The following CTNND2 variants were observed in gnomAD, a reference collection of about 807,000 sequenced individuals.
The protein encoded by CTNND2 is catenin delta-2.
CTNND2 carries 22 observed loss-of-function variants against 144.4 expected under a neutral mutation model. That is an observed-to-expected ratio of 0.15 (90% confidence interval 0.11 to 0.22). The LOEUF is 0.22. Among genes scored for constraint, CTNND2 ranks in the 10% least tolerant of loss-of-function variants. CTNND2 has a pLI of 1.00. For synonymous variants in CTNND2, 751 were observed against 695.6 expected (o/e 1.08, Z -1.25); for missense variants, 1,353 against 1,618.8 (o/e 0.84, Z 2.82).
intron 1 of CTNND2, among the ~76,000 whole-genome samples, chr5:11,884,945 TG>T (rs200124076): frequency 0.022 from 3,391 of 152,318 alleles, 62 homozygotes; most frequent in Non-Finnish European, 0.036. Context: ...ATTCCGTTGA[TG>T]TGATGTACCA....
chr5:11,182,403 G>A (rs935522547), intron 11 of CTNND2, among the ~76,000 whole-genome samples: 3 of 152,012 alleles, frequency 2.0e-5, no homozygotes, highest in Non-Finnish European at 4.4e-5. Context: ...ATATGTCTGT[G>A]TGTGCAAGTA....
chr5:11,272,338 T>C (rs933244974), intron 9 of CTNND2, among the ~76,000 whole-genome samples: 2 of 152,242 alleles, frequency 1.3e-5, no homozygotes, highest in African/African-American at 4.8e-5. Context: ...CTAGAGGCAT[T>C]TGACAACATT....
intron 3 of CTNND2, among the ~76,000 whole-genome samples, chr5:11,563,034 G>C (rs1776801673): frequency 6.6e-6 from 1 of 152,136 alleles, no homozygotes; most frequent in Admixed American, 6.5e-5. Context: ...ACCCACTATT[G>C]TATGTCACAG....
At chr5:11,228,928 A>T (rs894933096) in intron 10 of CTNND2, among the ~76,000 whole-genome samples, 4 of 152,220 alleles carry the variant, frequency 2.6e-5, no homozygotes. Flanking sequence ...AGTTAGGATG[A>T]TAAGGTAATT....
rs544756731 is a variant in CTNND2, at chr5:11,530,873, G to C, written c.287+34071C>G. Reference sequence around the variant, plus strand: ...AACTCTTGACTGGGGTTTTTTAACTGCTGATTATCCAAGCCTACAGTAAAA... The same window carrying C: ...AACTCTTGACTGGGGTTTTTTAACTCCTGATTATCCAAGCCTACAGTAAAA... On this transcript the variant is annotated intron_variant, in intron 3 of 21. Transcript: ENST00000304623. Among the ~76,000 whole-genome samples, 182 of 152,246 alleles carry C rather than the reference G, an allele frequency of 1.2e-3. 1 individual carries two copies. The highest frequency in any genetic ancestry group is 3.4e-3 in the Middle Eastern group (1 of 294).
intron 10 of CTNND2, among the ~76,000 whole-genome samples, chr5:11,218,886 C>A (rs1440624449): frequency 1.3e-5 from 2 of 152,116 alleles, no homozygotes; most frequent in African/African-American, 4.8e-5. Context: ...GGCAGAGAGG[C>A]ACTCAGTCAA....
chr5:11,496,396 G>T (rs1206821948), intron 3 of CTNND2, among the ~76,000 whole-genome samples: 1 of 152,160 alleles, frequency 6.6e-6, no homozygotes, highest in African/African-American at 2.4e-5. Context: ...AGATCATTTA[G>T]GTCATCAATG....
intron 11 of CTNND2, among the ~76,000 whole-genome samples, chr5:11,163,017 C>G (rs7715991): frequency 0.65 from 99,298 of 151,820 alleles, 32,664 homozygotes; most frequent in East Asian, 0.86. Context: ...TAAATTTTTT[C>G]CTCAAACTTT....
At chr5:11,362,925 C>T (rs1201309347) in intron 8 of CTNND2, among the ~76,000 whole-genome samples, 2 of 152,254 alleles carry the variant, frequency 1.3e-5, no homozygotes, top group Non-Finnish European at 2.9e-5. Flanking sequence ...GGGCCCAAGC[C>T]ACCATGGATG....
Position 11,760,358 on chromosome 5 carries a change from G to T in CTNND2, c.38-28086C>A, listed in dbSNP as rs937383538. The stretch of plus-strand genomic sequence containing the variant: ...GACCCTTCTGCCTCCTCTGGTTAAG[G>T]GGCCTATTACCAGGAGCTAGTTGTG... On this transcript the variant is annotated intron_variant, in intron 1 of 21. Transcript: ENST00000304623. Among the ~76,000 whole-genome samples, 8 of 152,092 alleles carry T rather than the reference G, an allele frequency of 5.3e-5. No individual in the cohort carries two copies. In the South Asian group the frequency reaches 1.5e-3, roughly 28 times the overall value.
At chr5:11,227,577 T>C (rs1561052823) in intron 10 of CTNND2, among the ~76,000 whole-genome samples, 1 of 152,064 alleles carries the variant, frequency 6.6e-6, no homozygotes, top group African/African-American at 2.4e-5. Flanking sequence ...CTATATGAGG[T>C]AGAAAGAACT....
intron 16 of CTNND2, among the ~76,000 whole-genome samples, chr5:11,070,943 G>A (rs1336534709): frequency 6.6e-6 from 1 of 151,798 alleles, no homozygotes; most frequent in Non-Finnish European, 1.5e-5. Context: ...TATATGGAGA[G>A]GGAAGAGGAG....
chr5:11,718,116 T>A (rs1786458203), intron 2 of CTNND2, among the ~76,000 whole-genome samples: 1 of 152,208 alleles, frequency 6.6e-6, no homozygotes, highest in East Asian at 1.9e-4. Context: ...AATAAAATAA[T>A]TTCAATATTC....
intron 3 of CTNND2, among the ~76,000 whole-genome samples, chr5:11,433,852 G>T (rs767484041): frequency 6.6e-6 from 1 of 152,156 alleles, no homozygotes; most frequent in African/African-American, 2.4e-5. Context: ...CAGTTGTAAA[G>T]GTACCAAATT....
intron 3 of CTNND2, among the ~76,000 whole-genome samples, chr5:11,419,117 A>C (rs1400329245): frequency 6.6e-6 from 1 of 151,584 alleles, no homozygotes; most frequent in East Asian, 1.9e-4. Flanking sequence ...TATCAAATTC[A>C]AGATGGTGGT....
chr5:11,748,806 T>C (rs113419772), intron 1 of CTNND2, among the ~76,000 whole-genome samples: 2,084 of 152,182 alleles, frequency 0.014, 26 homozygotes, highest in South Asian at 0.066. Context: ...CCACAGGTTC[T>C]TTCATACTCC....
At chr5:11,428,017 A>G (rs938844023) in intron 3 of CTNND2, among the ~76,000 whole-genome samples, 28 of 152,300 alleles carry the variant, frequency 1.8e-4, no homozygotes, top group African/African-American at 5.8e-4. Flanking sequence ...AAGCAAAAGC[A>G]GAAACCCCTG....
At chr5:11,009,922 C>T (rs965151294) in intron 18 of CTNND2, among the ~76,000 whole-genome samples, 1 of 152,122 alleles carries the variant, frequency 6.6e-6, no homozygotes, top group Non-Finnish European at 1.5e-5. Flanking sequence ...GTCAGGAGAC[C>T]TTGTGAAGAA....
At chr5:11,048,774 T>A (rs1038817625) in intron 16 of CTNND2, among the ~76,000 whole-genome samples, 4 of 152,234 alleles carry the variant, frequency 2.6e-5, no homozygotes, top group African/African-American at 9.6e-5. Context: ...TGAAAAAGAT[T>A]GGAAGGAATA....
Sources: allele counts gnomAD v4.1 joint callset (sites outside exome capture counted in the v4.1 genomes callset), GRCh38; gene constraint gnomAD v4.1.1; transcripts MANE v1.5; gene names NCBI Gene and HGNC (gene_info 2026-07-23, HGNC 2026-07-21).